PXDNL: variants seen among roughly 807,000 people sequenced by gnomAD.
PXDNL encodes the protein peroxidasin like, also known as probable oxidoreductase PXDNL.
Under a neutral mutation model 150.8 loss-of-function variants are expected in PXDNL, and 145 were observed. The ratio of observed to expected loss-of-function variants is 0.96; its 90% CI spans 0.84 to 1.10. The LOEUF (loss-of-function observed/expected upper bound fraction) is 1.10, where lower values mean the gene tolerates loss of function less well. Ranked by LOEUF, PXDNL falls within the 50% of genes least tolerant of loss-of-function variation. The probability of loss-of-function intolerance (pLI) is 0.00; values close to 1 mark genes in which losing one functional copy is unlikely to be tolerated. For missense variants in PXDNL, 2,087 were observed against 1,873.9 expected, an observed-to-expected ratio of 1.11 and a Z score of -2.10; for synonymous variants, 757 against 725.7, an observed-to-expected ratio of 1.04 and a Z score of -0.69.
At chr8:51,403,232 T>C (rs182130424) in intron 17 of PXDNL, among the ~76,000 whole-genome samples, 1 of 152,218 alleles carries the variant, frequency 6.6e-6, no homozygotes, top group East Asian at 1.9e-4. Context: ...ATAAAACACT[T>C]TTGACCAAGA....
At chr8:51,656,586 C>G (rs1343964948) in intron 1 of PXDNL, among the ~76,000 whole-genome samples, 1 of 152,132 alleles carries the variant, frequency 6.6e-6, no homozygotes, top group Non-Finnish European at 1.5e-5. Flanking sequence ...CCTAATAATT[C>G]TCCCAAAATG....
At chr8:51,805,086 CCAA>C (rs1315382525) in intron 1 of PXDNL, among the ~76,000 whole-genome samples, 1 of 151,862 alleles carries the variant, frequency 6.6e-6, no homozygotes, top group East Asian at 1.9e-4. Flanking sequence ...ATTTCTCTCC[CCAA>C]CAAGTCAACC....
intron 2 of PXDNL, among the ~76,000 whole-genome samples, chr8:51,619,271 G>A (rs1231092309): frequency 1.3e-5 from 2 of 152,154 alleles, no homozygotes; most frequent in African/African-American, 4.8e-5. Flanking sequence ...AGCCTTCCCT[G>A]CCTTTCTGTG....
chr8:51,721,675 T>C, intron 1 of PXDNL: 1 of 459,738 alleles, frequency 2.2e-6, no homozygotes, highest in Admixed American at 2.4e-5. Context: ...CTCAATTCAC[T>C]TTGCCTCATT....
chr8:51,526,337 G>GTTT (rs10635094), intron 4 of PXDNL, among the ~76,000 whole-genome samples: 7 of 150,742 alleles, frequency 4.6e-5, no homozygotes, highest in African/African-American at 9.8e-5. Flanking sequence ...TAGCTGATCT[G>GTTT]TTTTTTTTTC....
intron 4 of PXDNL, among the ~76,000 whole-genome samples, chr8:51,537,591 G>A (rs1038868967): frequency 6.6e-6 from 1 of 152,148 alleles, no homozygotes; most frequent in East Asian, 1.9e-4. Context: ...GGGACGTTCA[G>A]TTCCACCCCC....
At chr8:51,423,811 C>A in intron 13 of PXDNL, 80 bp from the exon 14 acceptor site, 1 of 1,343,142 alleles carries the variant, frequency 7.4e-7, no homozygotes, top group Non-Finnish European at 1.0e-6. Flanking sequence ...AATGTGGGTT[C>A]ATTTATTCAA....
intron 3 of PXDNL, among the ~76,000 whole-genome samples, chr8:51,566,203 G>T (rs181440138): frequency 1.1e-4 from 16 of 151,792 alleles, no homozygotes; most frequent in Non-Finnish European, 1.9e-4. Flanking sequence ...TTTTGTTGAG[G>T]ATTCTTACAT....
At chr8:51,797,942 G>A (rs892400215) in intron 1 of PXDNL, among the ~76,000 whole-genome samples, 3 of 152,162 alleles carry the variant, frequency 2.0e-5, no homozygotes, top group African/African-American at 7.2e-5. Context: ...CAAGGCTACA[G>A]TAACCAAAAC....
chr8:51,634,172 T>G (rs571688317), intron 2 of PXDNL, among the ~76,000 whole-genome samples: 6 of 152,304 alleles, frequency 3.9e-5, no homozygotes, highest in Middle Eastern at 3.4e-3. Flanking sequence ...AATGTAGGGA[T>G]CCAGTATCCT....
chr8:51,706,392 G>A (rs1816378910), intron 1 of PXDNL, among the ~76,000 whole-genome samples: 1 of 152,136 alleles, frequency 6.6e-6, no homozygotes, highest in African/African-American at 2.4e-5. Context: ...ATGAGTAAAT[G>A]CATAGTTAAA....
intron 19 of PXDNL, among the ~76,000 whole-genome samples, chr8:51,355,977 G>T (rs1183436030): frequency 6.6e-6 from 1 of 152,164 alleles, no homozygotes; most frequent in Non-Finnish European, 1.5e-5. Flanking sequence ...AAAGTATAAC[G>T]AAAGGAAAAC....
At chr8:51,662,731 G>A (rs1242002563) in intron 1 of PXDNL, among the ~76,000 whole-genome samples, 1 of 151,962 alleles carries the variant, frequency 6.6e-6, no homozygotes, top group Non-Finnish European at 1.5e-5. Flanking sequence ...GATATCCTGG[G>A]GGTTCCAGGG....
At chr8:51,567,696 C>T (rs1812856339) in intron 3 of PXDNL, among the ~76,000 whole-genome samples, 1 of 151,680 alleles carries the variant, frequency 6.6e-6, no homozygotes, top group East Asian at 1.9e-4. Context: ...TACCTTGTAA[C>T]AGAGTATAGT....
intron 2 of PXDNL, among the ~76,000 whole-genome samples, chr8:51,600,570 A>G (rs182492630): frequency 0.17 from 21,411 of 128,540 alleles, 2,650 homozygotes; most frequent in Admixed American, 0.26. Flanking sequence ...TATATCGTTT[A>G]GATAATAAAT....
intron 2 of PXDNL, among the ~76,000 whole-genome samples, chr8:51,616,212 C>T (rs1326282290): frequency 1.3e-5 from 2 of 152,128 alleles, no homozygotes; most frequent in South Asian, 2.1e-4. Flanking sequence ...TTTTGAAAAA[C>T]GCAGGAAATC....
intron 1 of PXDNL, among the ~76,000 whole-genome samples, chr8:51,722,758 C>T (rs1409385332): frequency 6.6e-6 from 1 of 152,092 alleles, no homozygotes; most frequent in East Asian, 1.9e-4. Context: ...TTCTGTTTGT[C>T]CCCTCATGGA....
intron 19 of PXDNL, among the ~76,000 whole-genome samples, chr8:51,350,494 G>A (rs950260245): frequency 2.0e-5 from 3 of 151,686 alleles, no homozygotes; most frequent in African/African-American, 7.3e-5. Flanking sequence ...TGAGTAGCTG[G>A]GATTACAGGC....
At chr8:51,558,212 G>A (rs1033210906) in intron 3 of PXDNL, among the ~76,000 whole-genome samples, 1 of 152,148 alleles carries the variant, frequency 6.6e-6, no homozygotes, top group Non-Finnish European at 1.5e-5. Context: ...TTCTACCCAA[G>A]CCTTATAGTA....
Sources: gnomAD v4.1 joint callset for allele counts (sites outside exome capture counted in the v4.1 genomes callset) on GRCh38, gnomAD v4.1.1 for gene constraint, MANE v1.5 for transcripts, NCBI Gene and HGNC (gene_info 2026-07-23, HGNC 2026-07-21) for gene names.